Variants in TSPAN9 observed in about 807,000 individuals in gnomAD.
TSPAN9 encodes tetraspanin-9.
Under a neutral mutation model 31.0 loss-of-function variants are expected in TSPAN9, and 16 were observed. That is an observed-to-expected ratio of 0.52 (90% CI 0.35 to 0.78). The LOEUF (loss-of-function observed/expected upper bound fraction) is 0.78. Among genes scored for constraint, TSPAN9 ranks in the 30% least tolerant of loss-of-function variants. The pLI, the probability that TSPAN9 is intolerant of heterozygous loss-of-function variation, is 0.01. For missense variants in TSPAN9, 272 were observed against 312.5 expected (o/e 0.87, Z 0.98); for synonymous variants, 145 against 121.6 (o/e 1.19, Z -1.27).
At chr12:3,276,664 C>T (rs536679385) in intron 3 of TSPAN9, among the ~76,000 whole-genome samples, 37 of 152,310 alleles carry the variant, frequency 2.4e-4, no homozygotes, top group African/African-American at 7.9e-4. Flanking sequence ...TATTTTTCTT[C>T]GTGGCGCATG....
intron 4 of TSPAN9, 91 bp downstream of exon 4, chr12:3,278,703 C>A: frequency 6.6e-7 from 1 of 1,504,074 alleles, no homozygotes; most frequent in East Asian, 2.3e-5. Flanking sequence ...TATTAGCCAC[C>A]TGGGTGTCCA....
chr12:3,109,307 A>AGAGAGAGAGAGTGTGT (rs560687812), intron 2 of TSPAN9, among the ~76,000 whole-genome samples: 56 of 143,308 alleles, frequency 3.9e-4, no homozygotes, highest in African/African-American at 1.4e-3. Context: ...TGTGAGAGAG[A>AGAGAGAGAGAGTGTGT]GTGTGTGTGT....
At chr12:3,095,618 C>T (rs1399140565) in intron 2 of TSPAN9, among the ~76,000 whole-genome samples, 24 of 101,966 alleles carry the variant, frequency 2.4e-4, no homozygotes, top group African/African-American at 8.8e-4. Flanking sequence ...GGCGGCTGGC[C>T]GGGCGGAGGG....
At chr12:3,257,027 T>C (rs149484993) in intron 3 of TSPAN9, among the ~76,000 whole-genome samples, 1 of 152,034 alleles carries the variant, frequency 6.6e-6, no homozygotes, top group Non-Finnish European at 1.5e-5. Context: ...GAAGTTTGGG[T>C]TTTCTTCTCA....
At position 3,187,504 on chromosome 12, in the gene TSPAN9, G is replaced by C. The variant is rs889367765; in HGVS notation, c.-17-13673G>C. Among the ~76,000 whole-genome samples the C allele has an allele frequency of 5.3e-5, 8 of 152,140 alleles. No individual in the cohort carries two copies. The highest frequency in any genetic ancestry group is 1.9e-4 in the African/African-American group (8 of 41,426). On this transcript the variant is annotated intron_variant, in intron 2 of 8. Transcript: ENST00000011898. This position sits in a 1 kb window ranked among gnomAD's most constrained non-coding sequence, Gnocchi z 5.2. Reference sequence around the variant, plus strand: ...GTAAGGAAAGATCACTGTTTTCACTGTTTTGGAAGTCAGGAGACATAGGTT... The same window carrying C: ...GTAAGGAAAGATCACTGTTTTCACTCTTTTGGAAGTCAGGAGACATAGGTT...
intron 3 of TSPAN9, among the ~76,000 whole-genome samples, chr12:3,251,477 G>GTTCTTTTTTC (rs1862243367): frequency 1.4e-5 from 2 of 146,872 alleles, no homozygotes; most frequent in African/African-American, 5.5e-5. Context: ...TTCAAAAGTT[G>GTTCTTTTTTC]ATTTCTGATT....
chr12:3,226,237 C>T (rs1227717279), intron 3 of TSPAN9, among the ~76,000 whole-genome samples: 1 of 152,066 alleles, frequency 6.6e-6, no homozygotes, highest in Admixed American at 6.5e-5. Flanking sequence ...TCTAGTTGCA[C>T]ATAGCGGGAG....
rs866914283 is a variant in TSPAN9, at chr12:3,109,297, T to A, written c.-18+25578T>A. On this transcript the variant is annotated intron_variant, in intron 2 of 8. Coordinates refer to ENST00000011898, the MANE Select transcript of TSPAN9 (RefSeq NM_006675.5). ...GTGTGTGTGTGTGTGTGTGTGTGTG[T>A]GTGAGAGAGAGTGTGTGTGTGTGTG... Among the ~76,000 whole-genome samples, 223 of 112,312 alleles carry A rather than the reference T, an allele frequency of 2.0e-3. 1 individual carries two copies. Among genetic ancestry groups the A allele is most frequent in the African/African-American group, 8.5e-3 (193 of 22,698 alleles). The allele number at this position is 112,312 out of a possible 152,430, so 73.7% of individuals were successfully genotyped here. A position where few individuals can be genotyped will look rare whatever the true frequency, so the allele number is the denominator to read the frequency against.
intron 3 of TSPAN9, among the ~76,000 whole-genome samples, chr12:3,254,829 T>A (rs1862315472): frequency 6.6e-6 from 1 of 152,234 alleles, no homozygotes; most frequent in East Asian, 1.9e-4. Flanking sequence ...TAATGATCCA[T>A]GAATGATGTC....
intron 2 of TSPAN9, among the ~76,000 whole-genome samples, chr12:3,157,572 TA>T (rs530329862): frequency 1.3e-3 from 202 of 152,350 alleles, no homozygotes; most frequent in African/African-American, 4.6e-3. Context: ...GATGAAAACC[TA>T]AAATAGTCTT....
rs2098340603 is a variant in TSPAN9 at position 3,153,040 on chromosome 12, T to A, written c.-17-48137T>A. ...GCGAACGCTGAGCTTCCTTTTATGG[T>A]GCGTGCACGCCTGCGCGTGTGTGGG... On this transcript the variant is annotated intron_variant, in intron 2 of 8. Transcript: ENST00000011898. Among the ~76,000 whole-genome samples, 2 of 152,162 alleles carry A rather than the reference T, an allele frequency of 1.3e-5. 1 individual carries two copies. Among genetic ancestry groups the A allele is most frequent in the South Asian group, 4.1e-4 (2 of 4,824 alleles).
At chr12:3,217,643 AGAT>A (rs2098382036) in intron 3 of TSPAN9, among the ~76,000 whole-genome samples, 1 of 152,168 alleles carries the variant, frequency 6.6e-6, no homozygotes, top group Non-Finnish European at 1.5e-5. Context: ...GAGGGGGAGA[AGAT>A]GACCAGAACC....
chr12:3,232,207 C>T (rs2098391101), intron 3 of TSPAN9, among the ~76,000 whole-genome samples: 1 of 152,076 alleles, frequency 6.6e-6, no homozygotes, highest in Non-Finnish European at 1.5e-5. Context: ...TATGGTAAAT[C>T]CTGAGAAATG....
Position 3,116,736 on chromosome 12 carries a change from C to T in TSPAN9, c.-18+33017C>T, listed in dbSNP as rs1009125519. Reference sequence around the variant, plus strand: ...AGCCATCCTTTGGCCGTGCCTCTGCCGTCAGAGCCCGGGAGCGCGCGCCTG... The same window carrying T: ...AGCCATCCTTTGGCCGTGCCTCTGCTGTCAGAGCCCGGGAGCGCGCGCCTG... On this transcript the variant is annotated intron_variant, in intron 2 of 8. Coordinates refer to ENST00000011898, the MANE Select transcript of TSPAN9 (RefSeq NM_006675.5). 2.4e-4 allele frequency among the ~76,000 whole-genome samples: 37 copies of T among 152,294 alleles called. 1 individual carries two copies. Among genetic ancestry groups the T allele is most frequent in the East Asian group, 5.8e-4 (3 of 5,170 alleles).
At chr12:3,108,917 A>G (rs1017195624) in intron 2 of TSPAN9, among the ~76,000 whole-genome samples, 4 of 150,872 alleles carry the variant, frequency 2.7e-5, no homozygotes, top group African/African-American at 9.7e-5. Flanking sequence ...GATATTAATG[A>G]TAGTTTCATT....
At chr12:3,269,267 C>CCT (rs771686234) in intron 3 of TSPAN9, among the ~76,000 whole-genome samples, 2 of 28,206 alleles carry the variant, frequency 7.1e-5, no homozygotes, top group African/African-American at 2.0e-4. Context: ...TGCAGCCTGC[C>CCT]CTGTGTTCCT....
intron 2 of TSPAN9, among the ~76,000 whole-genome samples, chr12:3,175,324 A>C (rs1279125213): frequency 6.6e-6 from 1 of 152,094 alleles, no homozygotes; most frequent in Non-Finnish European, 1.5e-5. Context: ...TGGGAGTGAG[A>C]CAGAGAGGCA....
chr12:3,255,725 T>C (rs965309970), intron 3 of TSPAN9, among the ~76,000 whole-genome samples: 3 of 152,246 alleles, frequency 2.0e-5, no homozygotes, highest in African/African-American at 7.2e-5. Flanking sequence ...CCTTAGAATA[T>C]GGTGAGTATC....
At chr12:3,081,176 C>T (rs547338560) in intron 1 of TSPAN9, among the ~76,000 whole-genome samples, 1 of 152,210 alleles carries the variant, frequency 6.6e-6, no homozygotes, top group Non-Finnish European at 1.5e-5. Flanking sequence ...TAAACGGTGG[C>T]TGTTATTTAT....
Sources: gnomAD v4.1 joint callset for allele counts (sites outside exome capture counted in the v4.1 genomes callset) on GRCh38, gnomAD v4.1.1 for gene constraint, Gnocchi (gnomAD v3.1) non-coding constraint, MANE v1.5 for transcripts, NCBI Gene and HGNC (gene_info 2026-07-23, HGNC 2026-07-21) for gene names.